Variants in LSAMP observed in about 807,000 individuals in gnomAD.
LSAMP encodes the protein limbic system-associated membrane protein.
Under a neutral mutation model 38.6 loss-of-function variants are expected in LSAMP, and 7 were observed. The observed-to-expected ratio is 0.18, with a 90% CI of 0.10 to 0.34. LSAMP has a LOEUF of 0.34. Ranked by LOEUF, LSAMP falls within the 10% of genes least tolerant of loss-of-function variation. LSAMP has a pLI of 1.00. For missense variants in LSAMP, 313 were observed against 420.0 expected, an observed-to-expected ratio of 0.75 and a Z score of 2.23; for synonymous variants, 154 against 166.8, an observed-to-expected ratio of 0.92 and a Z score of 0.59.
At chr3:116,315,430 G>C (rs142998481) in intron 1 of LSAMP, among the ~76,000 whole-genome samples, 1 of 152,072 alleles carries the variant, frequency 6.6e-6, no homozygotes, top group Non-Finnish European at 1.5e-5. Flanking sequence ...ACATATCTAT[G>C]TTAGAAATGG....
chr3:115,902,693 A>G (rs1048176041), intron 3 of LSAMP, among the ~76,000 whole-genome samples: 6 of 152,186 alleles, frequency 3.9e-5, no homozygotes, highest in Admixed American at 1.3e-4. Flanking sequence ...ACATGAACAG[A>G]CACTTTTCAA....
chr3:115,831,445 T>C (rs1019169010), intron 6 of LSAMP, among the ~76,000 whole-genome samples: 3 of 152,216 alleles, frequency 2.0e-5, no homozygotes, highest in Non-Finnish European at 2.9e-5. Flanking sequence ...TTCACGTCTT[T>C]TTAATTTTCT....
chr3:116,291,224 T>C (rs1300767798), intron 1 of LSAMP, among the ~76,000 whole-genome samples: 9 of 152,148 alleles, frequency 5.9e-5, no homozygotes, highest in Non-Finnish European at 1.5e-5. Context: ...GATAGGTGAA[T>C]TGGAAACAAA....
rs2046949538 is a variant in LSAMP at position 116,270,057 on chromosome 3, G to GC, written c.155+174819dup. On this transcript the variant is annotated intron_variant, in intron 1 of 6. Transcript: ENST00000490035. ...TAATCATCAACCCTACCTCCCACCT[G>GC]CAATCCTGTTACCCAATTTACTTGC... Among the ~76,000 whole-genome samples, 5 of 152,192 alleles carry GC rather than the reference G, an allele frequency of 3.3e-5. No individual in the cohort carries two copies. The South Asian group carries it at 1.0e-3, about 32-fold the overall frequency.
At chr3:115,979,175 G>C (rs1939281215) in intron 3 of LSAMP, among the ~76,000 whole-genome samples, 1 of 151,822 alleles carries the variant, frequency 6.6e-6, no homozygotes, top group Admixed American at 6.6e-5. Context: ...CTAGACATGG[G>C]GAAGAAGAGC....
intron 6 of LSAMP, among the ~76,000 whole-genome samples, chr3:115,831,334 G>A (rs1056289827): frequency 2.0e-5 from 3 of 152,156 alleles, no homozygotes; most frequent in African/African-American, 7.2e-5. Flanking sequence ...GATCAGAAAG[G>A]GATAGGCTGA....
chr3:116,113,457 G>A (rs1281730356), intron 1 of LSAMP, among the ~76,000 whole-genome samples: 2 of 103,610 alleles, frequency 1.9e-5, no homozygotes, highest in African/African-American at 4.0e-5. Flanking sequence ...ATGGAGTCTC[G>A]CTCTGTCGCC....
At chr3:116,123,113 A>G (rs1368883369) in intron 1 of LSAMP, among the ~76,000 whole-genome samples, 2 of 152,224 alleles carry the variant, frequency 1.3e-5, no homozygotes, top group Non-Finnish European at 2.9e-5. Flanking sequence ...TTTCATGAAA[A>G]TATCAATAAT....
intron 1 of LSAMP, among the ~76,000 whole-genome samples, chr3:116,113,056 A>G (rs1436439757): frequency 1.3e-5 from 2 of 152,140 alleles, no homozygotes; most frequent in Non-Finnish European, 2.9e-5. Flanking sequence ...CATAAGAGAA[A>G]TATGAGGCAG....
chr3:115,877,340 C>G lies in LSAMP; in HGVS notation c.515-24723G>C, dbSNP rs188697777. ...CCAGAAACAAATGGATGTGTTAAAA[C>G]AGTGAAATGTGTTTGTGGAAGATAA... On this transcript the variant is annotated intron_variant, in intron 3 of 6. Transcript: ENST00000490035. 8.0e-4 allele frequency among the ~76,000 whole-genome samples: 122 copies of G among 152,012 alleles called. 1 individual carries two copies. The highest frequency in any genetic ancestry group is 6.8e-3 in the Middle Eastern group (2 of 294).
intron 1 of LSAMP, among the ~76,000 whole-genome samples, chr3:116,168,077 G>A (rs1250397327): frequency 1.3e-5 from 2 of 152,106 alleles, no homozygotes. Context: ...CCATCTTAAA[G>A]TATTTTTTAA....
intron 1 of LSAMP, among the ~76,000 whole-genome samples, chr3:116,300,060 T>G (rs1011567268): frequency 3.3e-5 from 5 of 152,194 alleles, no homozygotes; most frequent in Non-Finnish European, 7.3e-5. Context: ...CCTTTCCACC[T>G]TCCACCCTGA....
intron 2 of LSAMP, among the ~76,000 whole-genome samples, chr3:116,024,145 T>C (rs1940717813): frequency 6.6e-6 from 1 of 152,172 alleles, no homozygotes; most frequent in Non-Finnish European, 1.5e-5. Context: ...AAATGCCCTG[T>C]GTCTCACCCT....
At chr3:115,967,940 T>C (rs1938876742) in intron 3 of LSAMP, among the ~76,000 whole-genome samples, 1 of 152,164 alleles carries the variant, frequency 6.6e-6, no homozygotes, top group South Asian at 2.1e-4. Flanking sequence ...CCTCCCTTTT[T>C]CCCAAGCAGA....
rs888657900 is a variant in LSAMP at position 116,086,317 on chromosome 3, T to C, written c.388+7A>G. The C allele has an allele frequency of 2.5e-6, 4 of 1,611,690 alleles. No homozygotes were observed. The highest frequency in any genetic ancestry group is 3.4e-6 in the Non-Finnish European group (4 of 1,177,944). On this transcript the variant is annotated splice_region_variant and intron_variant, in intron 2 of 6. Coordinates refer to ENST00000490035, the MANE Select transcript of LSAMP (RefSeq NM_002338.5). ...CTTACCACCCTTCTATCCCACACTT[T>C]CCTTACCTTGTACGATCAAGTAAAC... is the stretch of plus-strand genomic sequence containing the variant.
At chr3:116,222,414 C>G (rs976354334) in intron 1 of LSAMP, among the ~76,000 whole-genome samples, 1 of 151,784 alleles carries the variant, frequency 6.6e-6, no homozygotes, top group South Asian at 2.1e-4. Context: ...AAAAAATGTC[C>G]CCTTCAGGGC....
chr3:116,212,542 G>A (rs533924446), intron 1 of LSAMP, among the ~76,000 whole-genome samples: 2 of 124,328 alleles, frequency 1.6e-5, no homozygotes, highest in East Asian at 5.6e-4. Context: ...TTTGTTTAGA[G>A]ATAAAATAAA....
intron 1 of LSAMP, among the ~76,000 whole-genome samples, chr3:116,338,252 T>G (rs72950159): frequency 0.046 from 7,004 of 152,068 alleles, 548 homozygotes; most frequent in African/African-American, 0.16. Flanking sequence ...TGAGTTTGCC[T>G]TTCCTATCCT....
chr3:116,177,413 T>C (rs1284795897), intron 1 of LSAMP, among the ~76,000 whole-genome samples: 1 of 152,022 alleles, frequency 6.6e-6, no homozygotes, highest in Non-Finnish European at 1.5e-5. Flanking sequence ...ATGAATACTC[T>C]ACATAAGAAA....
Sources: gnomAD v4.1 joint callset for allele counts (sites outside exome capture counted in the v4.1 genomes callset) on GRCh38, gnomAD v4.1.1 for gene constraint, MANE v1.5 for transcripts, NCBI Gene and HGNC (gene_info 2026-07-23, HGNC 2026-07-21) for gene names.